The following BRI3 variants were observed in gnomAD, a reference collection of about 807,000 sequenced individuals.
BRI3 encodes membrane protein BRI3.
A neutral mutation model predicts 12.8 loss-of-function variants in BRI3; 6 were observed. That is an observed-to-expected ratio of 0.47 (90% CI 0.26 to 0.93). BRI3 has a LOEUF of 0.93. BRI3 is among the 40% of genes least tolerant of loss of function. The pLI, the probability that BRI3 is intolerant of heterozygous loss-of-function variation, is 0.15. For missense variants in BRI3, 134 were observed against 171.1 expected (o/e 0.78, Z 1.21); for synonymous variants, 91 against 76.1 (o/e 1.20, Z -1.02).
chr7:98,297,436 G>A (rs1800239221), downstream of BRI3, among the ~76,000 whole-genome samples: 2 of 152,202 alleles, frequency 1.3e-5, no homozygotes, highest in Admixed American at 1.3e-4. Flanking sequence ...GGCCCTCACT[G>A]CAGAGGGCAG....
chr7:98,290,636 C>T (rs1433768726), intron 2 of BRI3, among the ~76,000 whole-genome samples: 2 of 152,306 alleles, frequency 1.3e-5, no homozygotes, highest in African/African-American at 4.8e-5. Flanking sequence ...GTAGCCGGGA[C>T]TACAGGCATG....
intron 2 of BRI3, among the ~76,000 whole-genome samples, chr7:98,286,059 G>A (rs2116713209): frequency 6.6e-6 from 1 of 152,300 alleles, no homozygotes; most frequent in Middle Eastern, 3.4e-3. Flanking sequence ...CTGCCTTTGG[G>A]GGCTACCTGG....
At chr7:98,307,902 G>A (rs760930468) in exon 2 of BRI3, 1 of 1,614,074 alleles carries the variant, frequency 6.2e-7, no homozygotes, top group South Asian at 1.1e-5. Flanking sequence ...AGTACCTGTT[G>A]GAGGGAGTGT....
At chr7:98,287,622 G>A (rs565995821) in intron 2 of BRI3, among the ~76,000 whole-genome samples, 2 of 152,226 alleles carry the variant, frequency 1.3e-5, no homozygotes, top group Non-Finnish European at 2.9e-5. Context: ...TGGGAGTGCA[G>A]CAAGAGTGAG....
In BRI3 at chr7:98,282,462, G is replaced by C; in HGVS notation, c.245+9G>C. The C allele has an allele frequency of 6.2e-7, 1 of 1,608,674 alleles. No individual in the cohort carries two copies. The highest frequency in any genetic ancestry group is 8.5e-7 in the Non-Finnish European group (1 of 1,175,210). On this transcript the variant is annotated intron_variant, in intron 2 of 2. Coordinates refer to ENST00000297290, the MANE Select transcript of BRI3 (RefSeq NM_015379.5). ...GGCTGTCCTGTCTGCAGGTGAGTGGGTCTGCAGCCTGGGGACTGGCCCTGG... is the reference window on the plus strand; with the variant it reads ...GGCTGTCCTGTCTGCAGGTGAGTGGCTCTGCAGCCTGGGGACTGGCCCTGG...
chr7:98,311,066 C>T (rs982881830), downstream of BRI3, among the ~76,000 whole-genome samples: 1 of 152,032 alleles, frequency 6.6e-6, no homozygotes, highest in Admixed American at 6.5e-5. Context: ...CTCCACAGAG[C>T]CCAGGTTCAA....
At chr7:98,286,467 G>A (rs1799713966) in intron 2 of BRI3, among the ~76,000 whole-genome samples, 1 of 152,216 alleles carries the variant, frequency 6.6e-6, no homozygotes, top group African/African-American at 2.4e-5. Flanking sequence ...CACAAGAATG[G>A]GGGAGGGGCG....
downstream of BRI3, chr7:98,310,580 A>C: frequency 1.3e-6 from 2 of 1,588,742 alleles, no homozygotes; most frequent in South Asian, 1.2e-5. Context: ...AGGGTGTCGT[A>C]ATCTTTCCTA....
At chr7:98,284,412 G>A (rs1341364560) in intron 2 of BRI3, among the ~76,000 whole-genome samples, 2 of 152,242 alleles carry the variant, frequency 1.3e-5, no homozygotes, top group Admixed American at 6.5e-5. Flanking sequence ...CAGCCAGAGG[G>A]CGAGCAGGGG....
chr7:98,315,321 T>C (rs1454422688), downstream of BRI3: 6 of 688,628 alleles, frequency 8.7e-6, no homozygotes, highest in Middle Eastern at 5.0e-4. Context: ...AGAGACAGAG[T>C]TTTGCCATGT....
At chr7:98,306,696 A>G (rs1800669973) in intron 1 of BRI3, 3 of 905,764 alleles carry the variant, frequency 3.3e-6, no homozygotes, top group Non-Finnish European at 4.9e-6. Context: ...ACACTGAACA[A>G]TGTGTATTGT....
At chr7:98,303,698 C>A (rs77092172), upstream of BRI3, among the ~76,000 whole-genome samples, 126 of 152,162 alleles carry the variant, frequency 8.3e-4, no homozygotes, top group African/African-American at 2.6e-3. Context: ...CCCAGAGGCA[C>A]GTTAGGGTTA....
At chr7:98,290,475 G>C (rs1267970942) in intron 2 of BRI3, among the ~76,000 whole-genome samples, 3 of 151,436 alleles carry the variant, frequency 2.0e-5, no homozygotes, top group Non-Finnish European at 4.4e-5. Flanking sequence ...GATTACAGGC[G>C]TGAGCCACCG....
intron 2 of BRI3, among the ~76,000 whole-genome samples, chr7:98,286,955 TG>T (rs967646024): frequency 1.3e-5 from 2 of 152,244 alleles, no homozygotes; most frequent in African/African-American, 4.8e-5. Flanking sequence ...TGTGGAATCC[TG>T]GGGGGTAGGG....
downstream of BRI3, chr7:98,292,267 G>A (rs1264626271): frequency 7.2e-6 from 2 of 276,482 alleles, no homozygotes; most frequent in Non-Finnish European, 7.1e-6. Context: ...TGAGCGGCCG[G>A]GCTGGAGTGC....
At chr7:98,315,255 G>A (rs1443273855), downstream of BRI3, among the ~76,000 whole-genome samples, 3 of 152,130 alleles carry the variant, frequency 2.0e-5, no homozygotes, top group African/African-American at 7.2e-5. Flanking sequence ...CTGAGTAGCT[G>A]GGACTACAGG....
chr7:98,306,141 G>A (rs778218504), upstream of BRI3, among the ~76,000 whole-genome samples: 3 of 152,300 alleles, frequency 2.0e-5, no homozygotes, highest in African/African-American at 4.8e-5. Flanking sequence ...AGATAAGGAC[G>A]GAAAACACAT....
chr7:98,305,366 A>G (rs1800615325), upstream of BRI3, among the ~76,000 whole-genome samples: 1 of 152,046 alleles, frequency 6.6e-6, no homozygotes, highest in South Asian at 2.1e-4. Flanking sequence ...ACATCCTAAA[A>G]GTGTTACTCA....
downstream of BRI3, chr7:98,310,597 G>T (rs777828564): frequency 6.4e-7 from 1 of 1,555,962 alleles, no homozygotes; most frequent in East Asian, 2.4e-5. Flanking sequence ...CCTAACCTGT[G>T]AAAAATTCTT....
Sources: allele counts gnomAD v4.1 joint callset (sites outside exome capture counted in the v4.1 genomes callset), GRCh38; gene constraint gnomAD v4.1.1; transcripts MANE v1.5; gene names NCBI Gene and HGNC (gene_info 2026-07-23, HGNC 2026-07-21).